The following DNAH2 variants were observed in gnomAD, a reference collection of about 807,000 sequenced individuals.
DNAH2 encodes the protein axonemal beta dynein heavy chain 2.
In DNAH2, 323 loss-of-function variants were observed where a neutral mutation model predicts 523.5. The ratio of observed to expected loss-of-function variants is 0.62; its 90% confidence interval spans 0.56 to 0.68. The LOEUF is 0.68. Among genes scored for constraint, DNAH2 ranks in the 30% least tolerant of loss-of-function variants. DNAH2 has a pLI of 0.00. For synonymous variants in DNAH2, 2,093 were observed against 2,177.4 expected, an observed-to-expected ratio of 0.96 and a Z score of 1.08; for missense variants, 4,907 against 5,701.5, an observed-to-expected ratio of 0.86 and a Z score of 4.49.
chr17:7,823,586 C>G lies in DNAH2; in HGVS notation c.11287C>G (p.Leu3763Val), dbSNP rs2077927880. The G allele has an allele frequency of 6.2e-7, 1 of 1,614,068 alleles. No homozygotes were observed. Among genetic ancestry groups the G allele is most frequent in the African/African-American group, 1.3e-5 (1 of 74,922 alleles). The part of the protein sequence containing the change: ...SFEQYPRDWH[L>V]WYTNAAPEKA... Reference sequence around the variant, plus strand: ...TGAGCAGTACCCTCGTGACTGGCACCTGTGGTATACCAATGCTGCCCCGGA... The same window carrying G: ...TGAGCAGTACCCTCGTGACTGGCACGTGTGGTATACCAATGCTGCCCCGGA... Residue 3763 changes from leucine to valine, a missense_variant, in exon 74 of 86, where the codon CTG (leucine) becomes GTG (valine). This residue lies in a region of DNAH2 where 1,851 missense variants were observed against 2,139.4 expected (regional missense o/e 0.87). Transcript: ENST00000572933.
rs530882167 is a variant in DNAH2 at position 7,808,304 on chromosome 17, G to A, written c.9729+718G>A. ...GAGAATCGCTTGAACCCAGGAGGTG[G>A]AGGTTGCAGTGAGCCAAGTTCACAC... is the stretch of plus-strand genomic sequence containing the variant. On this transcript the variant is annotated intron_variant, in intron 63 of 85. Transcript: ENST00000572933. 8.6e-5 allele frequency among the ~76,000 whole-genome samples: 13 copies of A among 151,842 alleles called. No individual in the cohort carries two copies. The South Asian group carries it at 2.7e-3, about 32-fold the overall frequency.
intron 48 of DNAH2, among the ~76,000 whole-genome samples, chr17:7,793,447 T>TTCTTTCTCTTTC (rs774059490): frequency 1.0e-3 from 100 of 96,502 alleles, no homozygotes; most frequent in South Asian, 1.7e-3. Context: ...CTTTCTTTCT[T>TTCTTTCTCTTTC]TTTCTTTCTT....
Position 7,787,035 on chromosome 17 carries a change from T to A in DNAH2, c.6603+2T>A. ...GAGCGCATCGCGATGCCCGAGCAGG[T>A]CAGGGACGCGGCTGACTCCTGGAGG... On this transcript the variant is annotated splice_donor_variant, in intron 42 of 85. Coordinates refer to ENST00000572933, the MANE Select transcript of DNAH2 (RefSeq NM_020877.5). LOFTEE classifies it high-confidence loss of function. The A allele has an allele frequency of 6.2e-7, 1 of 1,613,886 alleles. No homozygotes were observed. The highest frequency in any genetic ancestry group is 8.5e-7 in the Non-Finnish European group (1 of 1,179,988).
Position 7,759,306 on chromosome 17 carries a change from C to G in DNAH2, c.2449-116C>G, listed in dbSNP as rs574971334. On this transcript the variant is annotated intron_variant, in intron 15 of 85. Transcript: ENST00000572933. ...TCACACCTCTTCCTCCAGGACTCAG[C>G]GTCCTGCGTTTCCATTAAACCAACT... 3.5e-6 allele frequency: 5 copies of G among 1,432,572 alleles called. No homozygotes were observed. In the East Asian group the frequency reaches 9.4e-5, roughly 27 times the overall value. The allele number at this position is 1,432,572 out of a possible 1,614,324, so 88.7% of individuals were successfully genotyped here. A position where few individuals can be genotyped will look rare whatever the true frequency, so the allele number is the denominator to read the frequency against.
Position 7,770,826 on chromosome 17 carries a change from G to T in DNAH2, c.4255G>T (p.Val1419Phe), listed in dbSNP as rs765964672. ...GTCTACCATGAAGGCATCACGCTTT[G>T]TCAAGGCCTTTGAGAAGGATGTGGA... ...ALSTMKASRFVKAFEKDVDHW... is the reference protein window; with the variant it reads ...ALSTMKASRFFKAFEKDVDHW... The change falls in exon 27 of 86, where the codon GTC (valine) becomes TTC (phenylalanine). Residue 1419 changes from valine to phenylalanine, a missense_variant. By Grantham distance (50) the Val-to-Phe change is conservative. Coordinates refer to ENST00000572933, the MANE Select transcript of DNAH2 (RefSeq NM_020877.5). 1.2e-6 allele frequency: 2 copies of T among 1,614,190 alleles called. No homozygotes were observed. Among genetic ancestry groups the T allele is most frequent in the South Asian group, 2.2e-5 (2 of 91,078 alleles).
Position 7,786,121 on chromosome 17 carries a change from C to G in DNAH2, c.6130-3C>G. On this transcript the variant is annotated splice_region_variant and splice_polypyrimidine_tract_variant and intron_variant, in intron 39 of 85. Coordinates refer to ENST00000572933, the MANE Select transcript of DNAH2 (RefSeq NM_020877.5). The surrounding 1 kb of genome is among the most constrained non-coding windows in gnomAD (Gnocchi z 7.5). ...CTGCTTGCTGTGTTTTCCCTTCCCT[C>G]AGCTGCGGGAGACCGTTGAGCAGGA... is the stretch of plus-strand genomic sequence containing the variant. 6.2e-7 allele frequency: 1 copy of G among 1,613,940 alleles called. No homozygotes were observed. Among genetic ancestry groups the G allele is most frequent in the East Asian group, 2.2e-5 (1 of 44,868 alleles).
intron 32 of DNAH2, 94 bp from the exon 33 acceptor site, chr17:7,777,352 C>A (rs2076483709): frequency 7.1e-7 from 1 of 1,406,358 alleles, no homozygotes; most frequent in South Asian, 1.3e-5. Flanking sequence ...GGGGTCAGCA[C>A]CGGGTTGGAA....
intron 63 of DNAH2, among the ~76,000 whole-genome samples, chr17:7,814,702 T>C (rs1597746308): frequency 2.0e-5 from 3 of 152,046 alleles, no homozygotes; most frequent in East Asian, 3.9e-4. Flanking sequence ...ACACAAAAAT[T>C]GGCCGGGTGT....
chr17:7,789,384 G>A (rs956008832), intron 44 of DNAH2, among the ~76,000 whole-genome samples: 1 of 152,122 alleles, frequency 6.6e-6, no homozygotes, highest in African/African-American at 2.4e-5. Context: ...GTCTGTAGCC[G>A]GATGTGGTGG....
Position 7,733,120 on chromosome 17 carries a change from G to A in DNAH2, c.433G>A (p.Ala145Thr), listed in dbSNP as rs1207139710. ...QNQLVYFIRQ[A>T]PVPITWENFE... ...CCAGCTTGTCTACTTCATTCGCCAA[G>A]CACCAGTTCCCATCACCTGGGAGAA... The change falls in exon 5 of 86, where the codon GCA becomes ACA. Residue 145 changes from alanine to threonine, a missense_variant. By Grantham distance (58) the Ala-to-Thr change is moderately conservative. Transcript: ENST00000572933. The A allele has an allele frequency of 1.2e-6, 2 of 1,614,076 alleles. No individual in the cohort carries two copies. The highest frequency in any genetic ancestry group is 1.7e-6 in the Non-Finnish European group (2 of 1,180,052).
At chr17:7,790,605 C>G (rs978890795) in intron 44 of DNAH2, among the ~76,000 whole-genome samples, 1 of 152,176 alleles carries the variant, frequency 6.6e-6, no homozygotes, top group South Asian at 2.1e-4. Context: ...TCATATAAAG[C>G]TAAAGTCCTT....
In DNAH2 at chr17:7,776,116, G is replaced by A. The variant is rs1451578574; in HGVS notation, c.4914G>A (p.Lys1638=). 2 of 1,613,984 alleles carry A rather than the reference G, an allele frequency of 1.2e-6. No homozygotes were observed. The highest frequency in any genetic ancestry group is 4.5e-5 in the East Asian group (2 of 44,874). The change falls in exon 31 of 86, where the codon AAG becomes AAA. Residue 1638 remains lysine, a synonymous_variant. Coordinates refer to ENST00000572933, the MANE Select transcript of DNAH2 (RefSeq NM_020877.5). ...TGGCCCTCAGGAAGTTCCTCAACAAGAGGGACAAATGGGTGAAGGAGTGGG... is the reference window on the plus strand; with the variant it reads ...TGGCCCTCAGGAAGTTCCTCAACAAAAGGGACAAATGGGTGAAGGAGTGGG... ...CHLALRKFLN[K]RDKWVKEWAG... is the part of the protein sequence containing the mutation.
chr17:7,799,364 C>T (rs1371757065), intron 56 of DNAH2, 122 bp downstream of exon 56: 1 of 1,374,208 alleles, frequency 7.3e-7, no homozygotes, highest in Non-Finnish European at 9.9e-7. Flanking sequence ...CCGCCTCACC[C>T]ATCTCCTTTC....
Position 7,746,479 on chromosome 17 carries a change from A to G in DNAH2, c.1904+3337A>G, listed in dbSNP as rs965761480. On this transcript the variant is annotated intron_variant, in intron 12 of 85. Coordinates refer to ENST00000572933, the MANE Select transcript of DNAH2 (RefSeq NM_020877.5). ...CCATTATAAAATTATTGATCATTTT[A>G]GAACATTTGCAAAATGCAGAAAAGT... 9.2e-5 allele frequency among the ~76,000 whole-genome samples: 14 copies of G among 152,244 alleles called. 1 individual carries two copies. Among genetic ancestry groups the G allele is most frequent in the African/African-American group, 2.7e-4 (11 of 41,452 alleles).
intron 10 of DNAH2, 109 bp from the exon 11 acceptor site, chr17:7,740,701 C>A (rs2075287187): frequency 6.5e-7 from 1 of 1,532,370 alleles, no homozygotes; most frequent in African/African-American, 1.4e-5. Flanking sequence ...GCTTCGGCGT[C>A]CCCGGGAGTG....
rs201535618 is a variant in DNAH2, at chr17:7,770,284, G to A, written c.3974G>A (p.Arg1325Gln). ...GACCAGGTCCGGGATGAGATCCAGC[G>A]GGAGTTTGATCAGGAATCTGAAAGC... ...HWDQVRDEIQ[R>Q]EFDQESESFT... The change falls in exon 25 of 86, where the codon CGG (arginine) becomes CAG (glutamine). Residue 1325 changes from arginine (R) to glutamine (Q), a missense_variant. By Grantham distance (43) the Arg-to-Gln change is conservative. This residue lies in a region of DNAH2 where 2,806 missense variants were observed against 3,190.8 expected (regional missense o/e 0.88). Coordinates refer to ENST00000572933, the MANE Select transcript of DNAH2 (RefSeq NM_020877.5). 5.6e-6 allele frequency: 9 copies of A among 1,613,138 alleles called. No homozygotes were observed. The highest frequency in any genetic ancestry group is 4.0e-5 in the African/African-American group (3 of 75,010).
chr17:7,761,916 A>AAAAAG (rs1567655649), intron 18 of DNAH2, among the ~76,000 whole-genome samples: 1 of 152,146 alleles, frequency 6.6e-6, no homozygotes, highest in African/African-American at 2.4e-5. Context: ...AGAAAAAAAA[A>AAAAAG]AAAAAGAAAT....
In DNAH2 at chr17:7,733,014, C is replaced by G. The variant is rs557178381; in HGVS notation, c.400-73C>G. On this transcript the variant is annotated intron_variant, in intron 4 of 85. Coordinates refer to ENST00000572933, the MANE Select transcript of DNAH2 (RefSeq NM_020877.5). ...ACCCTGAGGGACGTGAGAAAGAACT[C>G]AGCCGGGCTTTTGTGACTGGGTGTC... 12 of 1,508,036 alleles carry G rather than the reference C, an allele frequency of 8.0e-6. No homozygotes were observed. The South Asian group carries it at 1.1e-4, about 14-fold the overall frequency. 93.4% of individuals were successfully genotyped at this position (1,508,036 alleles called of 1,614,324 possible).
chr17:7,819,238 A>T lies in DNAH2; in HGVS notation c.10845A>T (p.Ser3615=), dbSNP rs774666720. ...EAYRPCAQRA[S]ILFFVLNDMG... Reference sequence around the variant, plus strand: ...ACCGCCCATGCGCCCAGCGGGCATCAATCCTGTTCTTCGTGCTCAATGATA... The same window carrying T: ...ACCGCCCATGCGCCCAGCGGGCATCTATCCTGTTCTTCGTGCTCAATGATA... Residue 3615 remains serine (S), a synonymous_variant, in exon 72 of 86, where the codon TCA becomes TCT. Transcript: ENST00000572933. 6.2e-7 allele frequency: 1 copy of T among 1,613,968 alleles called. No homozygotes were observed. Among genetic ancestry groups the T allele is most frequent in the South Asian group, 1.1e-5 (1 of 91,086 alleles).
Sources: allele counts gnomAD v4.1 joint callset (sites outside exome capture counted in the v4.1 genomes callset), GRCh38; gene constraint gnomAD v4.1.1; regional missense constraint gnomAD v4.1.1; non-coding constraint Gnocchi (gnomAD v3.1); transcripts MANE v1.5; gene names NCBI Gene and HGNC (gene_info 2026-07-23, HGNC 2026-07-21).